The following NECAB1 variants were observed in gnomAD, a reference collection of about 807,000 sequenced individuals.
The protein encoded by NECAB1 is N-terminal EF-hand calcium binding protein 1, also known as N-terminal EF-hand calcium-binding protein 1.
A neutral mutation model predicts 57.5 loss-of-function variants in NECAB1; 29 were observed. That is an observed-to-expected ratio of 0.50 (90% CI 0.38 to 0.69). The LOEUF is 0.69. Ranked by LOEUF, NECAB1 falls within the 30% of genes least tolerant of loss-of-function variation. The pLI, the probability that NECAB1 is intolerant of heterozygous loss-of-function variation, is 0.00. For synonymous variants in NECAB1, 142 were observed against 147.7 expected (o/e 0.96, Z 0.28); for missense variants, 372 against 413.8 (o/e 0.90, Z 0.88).
At chr8:90,843,482 T>C (rs561516818) in intron 3 of NECAB1, among the ~76,000 whole-genome samples, 36 of 152,238 alleles carry the variant, frequency 2.4e-4, no homozygotes, top group Non-Finnish European at 4.3e-4. Context: ...GGGTCATGAA[T>C]AGAAGATCTT....
At chr8:90,847,508 G>A (rs113363299) in intron 3 of NECAB1, among the ~76,000 whole-genome samples, 1 of 152,194 alleles carries the variant, frequency 6.6e-6, no homozygotes, top group Non-Finnish European at 1.5e-5. Context: ...GCTCCACTAG[G>A]CAGTGCCTCA....
At chr8:90,823,024 C>G (rs1397780373) in intron 2 of NECAB1, among the ~76,000 whole-genome samples, 1 of 151,764 alleles carries the variant, frequency 6.6e-6, no homozygotes, top group East Asian at 1.9e-4. Flanking sequence ...GCATATCCAT[C>G]AGGTTACATG....
rs1243856469 is a variant in NECAB1 at position 90,889,077 on chromosome 8, T to A, written c.357+7947T>A. ...CAGGTTTCAGAATACTGGCTGTGTA[T>A]TATTACTCTGTAAGACTGAATGTCT... On this transcript the variant is annotated intron_variant, in intron 5 of 12. Transcript: ENST00000417640. Among the ~76,000 whole-genome samples, 4 of 152,340 alleles carry A rather than the reference T, an allele frequency of 2.6e-5. No individual in the cohort carries two copies. The East Asian group carries it at 7.7e-4, about 29-fold the overall frequency.
intron 5 of NECAB1, among the ~76,000 whole-genome samples, chr8:90,906,893 A>ATATATATATATGTATGTATATATATATG (rs1563528290): frequency 1.5e-5 from 2 of 137,550 alleles, no homozygotes; most frequent in African/African-American, 5.7e-5. Context: ...ATATATATAT[A>ATATATATATATGTATGTATATATATATG]TATATATATA....
chr8:90,830,791 G>A (rs1019188109), intron 3 of NECAB1, among the ~76,000 whole-genome samples: 3 of 152,080 alleles, frequency 2.0e-5, no homozygotes, highest in African/African-American at 7.2e-5. Context: ...CATGCCAGAT[G>A]AGGGATGGAG....
At chr8:90,803,530 A>G (rs1436492972) in intron 2 of NECAB1, among the ~76,000 whole-genome samples, 2 of 152,220 alleles carry the variant, frequency 1.3e-5, no homozygotes, top group Non-Finnish European at 2.9e-5. Flanking sequence ...AAAGCACTGA[A>G]CAAAACAATG....
At chr8:90,849,331 C>A (rs754797431) in intron 3 of NECAB1, among the ~76,000 whole-genome samples, 1 of 151,834 alleles carries the variant, frequency 6.6e-6, no homozygotes, top group South Asian at 2.1e-4. Flanking sequence ...TAGGTGAGTG[C>A]GGCAATGGGT....
chr8:90,928,183 A>G, intron 7 of NECAB1, 40 bp from the exon 8 acceptor site: 1 of 1,455,456 alleles, frequency 6.9e-7, no homozygotes, highest in Non-Finnish European at 9.6e-7. Context: ...TCTCTGTCTA[A>G]AGTTTAACAT....
chr8:90,823,882 C>T (rs1287212072), intron 2 of NECAB1, among the ~76,000 whole-genome samples: 7 of 151,836 alleles, frequency 4.6e-5, no homozygotes, highest in Admixed American at 4.6e-4. Context: ...CTCATCCATT[C>T]GTTTCTCTAG....
intron 5 of NECAB1, among the ~76,000 whole-genome samples, chr8:90,916,353 G>T (rs1398175841): frequency 2.0e-5 from 3 of 152,124 alleles, no homozygotes; most frequent in Non-Finnish European, 1.5e-5. Context: ...TTTTGAGTTG[G>T]AATGTATGCC....
intron 2 of NECAB1, among the ~76,000 whole-genome samples, chr8:90,806,132 C>G (rs139843594): frequency 1.3e-3 from 197 of 152,298 alleles, no homozygotes; most frequent in African/African-American, 4.5e-3. Context: ...TTGGATTCCT[C>G]TTGTTGATTT....
rs373614728 is a variant in NECAB1 at position 90,877,002 on chromosome 8, T to C, written c.260-4031T>C. 1.1e-4 allele frequency among the ~76,000 whole-genome samples: 17 copies of C among 152,360 alleles called. No homozygotes were observed. The East Asian group carries it at 2.5e-3, about 22-fold the overall frequency. ...AATCAATATTTGTTCCAAGTCATTCTTTCTAATGCCATGACTTAAGGACAA... is the reference window on the plus strand; with the variant it reads ...AATCAATATTTGTTCCAAGTCATTCCTTCTAATGCCATGACTTAAGGACAA... On this transcript the variant is annotated intron_variant, in intron 4 of 12. Transcript: ENST00000417640.
intron 2 of NECAB1, among the ~76,000 whole-genome samples, chr8:90,819,548 T>G (rs1050357064): frequency 1.3e-5 from 2 of 151,974 alleles, no homozygotes; most frequent in African/African-American, 2.4e-5. Context: ...ACTCTGAGTT[T>G]CCCTAAGTAT....
chr8:90,855,268 C>T (rs2129790481), intron 3 of NECAB1, among the ~76,000 whole-genome samples: 1 of 152,182 alleles, frequency 6.6e-6, no homozygotes, highest in South Asian at 2.1e-4. Flanking sequence ...AAAAAAAGTG[C>T]TTGACTTTTT....
chr8:90,880,532 G>GAA (rs11384107), intron 4 of NECAB1, among the ~76,000 whole-genome samples: 56 of 141,546 alleles, frequency 4.0e-4, no homozygotes, highest in East Asian at 1.4e-3. Flanking sequence ...CAAATTGTTG[G>GAA]AAAAAAAAAA....
intron 12 of NECAB1, among the ~76,000 whole-genome samples, chr8:90,954,764 TATC>T (rs1293386689): frequency 2.7e-5 from 4 of 150,306 alleles, no homozygotes; most frequent in African/African-American, 9.7e-5. Context: ...TATTTATAAA[TATC>T]ATATAGGTAT....
chr8:90,860,027 G>C (rs1180628170), intron 3 of NECAB1, among the ~76,000 whole-genome samples: 1 of 152,002 alleles, frequency 6.6e-6, no homozygotes, highest in Non-Finnish European at 1.5e-5. Flanking sequence ...TGCAGCTAGA[G>C]GACAAGAGTT....
chr8:90,792,913 T>C (rs776826422), intron 1 of NECAB1, among the ~76,000 whole-genome samples: 3 of 152,194 alleles, frequency 2.0e-5, no homozygotes, highest in Non-Finnish European at 4.4e-5. Flanking sequence ...AGCCCCTCAG[T>C]TGTCACATTC....
At chr8:90,940,457 TAGC>T (rs1272732041) in intron 9 of NECAB1, 1 of 235,198 alleles carries the variant, frequency 4.3e-6, no homozygotes, top group Non-Finnish European at 8.6e-6. Flanking sequence ...GTTTTAAAAA[TAGC>T]AGTGCCTGGG....
Sources: gnomAD v4.1 joint callset for allele counts (sites outside exome capture counted in the v4.1 genomes callset) on GRCh38, gnomAD v4.1.1 for gene constraint, MANE v1.5 for transcripts, NCBI Gene and HGNC (gene_info 2026-07-23, HGNC 2026-07-21) for gene names.